ZNF335: variants seen among roughly 807,000 people sequenced by gnomAD.
ZNF335 encodes zinc finger protein 335.
In ZNF335, 84 loss-of-function variants were observed where a neutral mutation model predicts 145.6. The ratio of observed to expected loss-of-function variants is 0.58; its 90% CI spans 0.48 to 0.69. The LOEUF (loss-of-function observed/expected upper bound fraction) is 0.69. Ranked by LOEUF, ZNF335 falls within the 30% of genes least tolerant of loss-of-function variation. The probability of loss-of-function intolerance (pLI) is 0.00; values close to 1 mark genes in which losing one functional copy is unlikely to be tolerated. For missense variants in ZNF335, 1,865 were observed against 1,809.7 expected (o/e 1.03, Z -0.55); for synonymous variants, 761 against 717.0 (o/e 1.06, Z -0.98).
intron 18 of ZNF335, 37 bp downstream of exon 18, chr20:45,953,652 A>G (rs576268567): frequency 1.2e-6 from 2 of 1,606,204 alleles, no homozygotes; most frequent in South Asian, 1.1e-5. Context: ...CACACCTACA[A>G]AAAGCTGAAA....
chr20:45,957,684 G>T lies in ZNF335; in HGVS notation c.2348-4C>A. On this transcript the variant is annotated splice_region_variant and splice_polypyrimidine_tract_variant and intron_variant, in intron 16 of 27. Transcript: ENST00000322927. ...ATCGCTGTCGACTCCTCAGCTCCTG[G>T]GTGGGGTGGGACCTAAGCCTGACAA... 1.9e-6 allele frequency: 3 copies of T among 1,614,068 alleles called. No homozygotes were observed. The highest frequency in any genetic ancestry group is 1.1e-5 in the South Asian group (1 of 91,078).
chr20:45,954,010 C>T (rs1415490870), intron 17 of ZNF335, 62 bp from the exon 18 acceptor site: 70 of 1,507,030 alleles, frequency 4.6e-5, no homozygotes, highest in Non-Finnish European at 5.2e-5. Context: ...GTATGCAAGA[C>T]GCCTCCCCCA....
intron 24 of ZNF335, 41 bp from the exon 25 acceptor site, chr20:45,949,609 G>A (rs754403551): frequency 5.7e-6 from 9 of 1,568,156 alleles, no homozygotes; most frequent in Non-Finnish European, 6.9e-6. Context: ...CAGGTGCTGA[G>A]GCCCCACTCG....
chr20:45,966,161 G>A (rs998588745), intron 6 of ZNF335, among the ~76,000 whole-genome samples: 1 of 152,052 alleles, frequency 6.6e-6, no homozygotes, highest in African/African-American at 2.4e-5. Flanking sequence ...CTTGAAATAT[G>A]CCTAGTCCAA....
Position 45,949,841 on chromosome 20 carries a change from C to G in ZNF335, c.3628G>C (p.Asp1210His). The G allele has an allele frequency of 6.2e-7, 1 of 1,614,166 alleles. No homozygotes were observed. The highest frequency in any genetic ancestry group is 1.7e-5 in the Admixed American group (1 of 60,020). Residue 1210 changes from aspartate (D) to histidine (H), a missense_variant, in exon 24 of 28, where the codon GAT becomes CAT. Asp to His is a moderately conservative substitution (Grantham distance 81). Coordinates refer to ENST00000322927, the MANE Select transcript of ZNF335 (RefSeq NM_022095.4). ...AAYIQEITTA[D>H]GQTVQHLVTS... Reference sequence around the variant, plus strand: ...ACCAGGTGCTGTACGGTCTGGCCATCTGCCGTGGTGATCTCTTGGATGTAG... The same window carrying G: ...ACCAGGTGCTGTACGGTCTGGCCATGTGCCGTGGTGATCTCTTGGATGTAG...
rs574865444 is a variant in ZNF335 at position 45,952,329 on chromosome 20, C to G, written c.3007G>C (p.Ala1003Pro). 8 of 1,613,212 alleles carry G rather than the reference C, an allele frequency of 5.0e-6. No individual in the cohort carries two copies. The South Asian group carries it at 7.7e-5, about 16-fold the overall frequency. ...GCAGATGGCGGTGACGGGGGCACTG[C>G]CAGGCCCAGGGCTTTGCTGGTTGCA... ...PPATSKALGL[A>P]VPPSPPSAAT... The change falls in exon 20 of 28, where the codon GCA becomes CCA. Residue 1003 changes from alanine (A) to proline (P), a missense_variant. Ala to Pro is a conservative substitution (Grantham distance 27). Transcript: ENST00000322927.
chr20:45,956,593 T>C (rs2083732933), intron 17 of ZNF335, among the ~76,000 whole-genome samples: 1 of 151,960 alleles, frequency 6.6e-6, no homozygotes, highest in Admixed American at 6.6e-5. Context: ...GAGATTGGCA[T>C]GGGAACAGGA....
chr20:45,965,698 G>A lies in ZNF335; in HGVS notation c.1032C>T (p.Thr344=), dbSNP rs1161494169. 3.7e-6 allele frequency: 6 copies of A among 1,604,020 alleles called. No individual in the cohort carries two copies. The highest frequency in any genetic ancestry group is 5.1e-6 in the Non-Finnish European group (6 of 1,176,018). Residue 344 remains threonine, a synonymous_variant, in exon 7 of 28, where the codon ACC becomes ACT. Transcript: ENST00000322927. The stretch of plus-strand genomic sequence containing the variant: ...GGCCAGGTCTCCTTCGGGGCCTTGG[G>A]GTACTGGGGGTGGGGCGCTGGAGCC... ...QLRLQRPTPS[T]PRPRRRPGRP...
Position 45,960,235 on chromosome 20 carries a change from G to C in ZNF335, c.1993C>G (p.Leu665Val), listed in dbSNP as rs1181863773. The change falls in exon 14 of 28, where the codon CTG (leucine) becomes GTG (valine). Residue 665 changes from leucine to valine, a missense_variant. Coordinates refer to ENST00000322927, the MANE Select transcript of ZNF335 (RefSeq NM_022095.4). ...PYRTFREDFL[L>V]SHVAVKHTGA... Reference sequence around the variant, plus strand: ...GTGTGCTTGACAGCCACATGGGACAGCAAGAAGTCCTCTCGGAAGGTGCGG... The same window carrying C: ...GTGTGCTTGACAGCCACATGGGACACCAAGAAGTCCTCTCGGAAGGTGCGG... 1 of 1,614,172 alleles carries C rather than the reference G, an allele frequency of 6.2e-7. No individual in the cohort carries two copies. Among genetic ancestry groups the C allele is most frequent in the African/African-American group, 1.3e-5 (1 of 75,066 alleles).
At chr20:45,949,647 G>A (rs2083591252) in intron 24 of ZNF335, 79 bp from the exon 25 acceptor site, 2 of 1,476,444 alleles carry the variant, frequency 1.4e-6, no homozygotes, top group Middle Eastern at 2.1e-4. Flanking sequence ...AAGGCAGAGT[G>A]GAAGACTAGG....
In ZNF335 at chr20:45,960,626, A is replaced by C; in HGVS notation, c.1772T>G (p.Met591Arg). ...CTGGCTCCCACCCACCTTGTCACAC[A>C]TGTGGGGCTTCTCAGTGCTGTGCGT... ...MKTHSTEKPH[M>R]CDKCGKSFKK... Residue 591 changes from methionine to arginine, a missense_variant, in exon 12 of 28, where the codon ATG (methionine) becomes AGG (arginine). Coordinates refer to ENST00000322927, the MANE Select transcript of ZNF335 (RefSeq NM_022095.4). 6.2e-7 allele frequency: 1 copy of C among 1,614,104 alleles called. No homozygotes were observed. The highest frequency in any genetic ancestry group is 1.6e-4 in the Middle Eastern group (1 of 6,062).
intron 2 of ZNF335, among the ~76,000 whole-genome samples, chr20:45,970,463 C>A (rs1051061485): frequency 6.6e-6 from 1 of 152,222 alleles, no homozygotes; most frequent in African/African-American, 2.4e-5. Flanking sequence ...TATGTTAATT[C>A]ATTTCATCCT....
At chr20:45,958,868 T>C (rs1045815736) in intron 15 of ZNF335, among the ~76,000 whole-genome samples, 2 of 152,218 alleles carry the variant, frequency 1.3e-5, no homozygotes, top group Non-Finnish European at 2.9e-5. Context: ...GAAAGTCATA[T>C]GCCTGGGATG....
At chr20:45,951,476 T>C (rs1297087262) in intron 20 of ZNF335, among the ~76,000 whole-genome samples, 1 of 152,256 alleles carries the variant, frequency 6.6e-6, no homozygotes, top group Admixed American at 6.5e-5. Flanking sequence ...CACCAGGGAC[T>C]GGTTTTATGG....
Position 45,963,644 on chromosome 20 carries a change from ATAG to A in ZNF335, c.1359_1361del (p.Tyr455del). The A allele has an allele frequency of 6.2e-7, 1 of 1,614,164 alleles. No homozygotes were observed. Among genetic ancestry groups the A allele is most frequent in the Non-Finnish European group, 8.5e-7 (1 of 1,179,990 alleles). On this transcript the variant is annotated inframe_deletion, in exon 9 of 28. Coordinates refer to ENST00000322927, the MANE Select transcript of ZNF335 (RefSeq NM_022095.4). ...TCAAAAGTGGTTTGGGCGACTTGTA[ATAG>A]TACCTGCAGGATGAGAGTGTGGCGG...
chr20:45,950,296 G>A lies in ZNF335; in HGVS notation c.3410C>T (p.Thr1137Ile). The A allele has an allele frequency of 6.4e-7, 1 of 1,563,834 alleles. No individual in the cohort carries two copies. Among genetic ancestry groups the A allele is most frequent in the Non-Finnish European group, 8.7e-7 (1 of 1,153,294 alleles). Residue 1137 changes from threonine (T) to isoleucine (I), a missense_variant, in exon 22 of 28, where the codon ACA becomes ATA. Thr to Ile is a moderately conservative substitution (Grantham distance 89). Transcript: ENST00000322927. Reference sequence around the variant, plus strand: ...TGGGGTCTGGGTAGGGGCCCGGGCTGTAGGGGTTCCTGACTTCCTCCCATC... The same window carrying A: ...TGGGGTCTGGGTAGGGGCCCGGGCTATAGGGGTTCCTGACTTCCTCCCATC... ...SPDGRKSGTP[T>I]ARAPTQTPTQ...
In ZNF335 at chr20:45,948,736, C is replaced by T. The variant is rs2083571011; in HGVS notation, c.*217G>A. On this transcript the variant is annotated 3_prime_UTR_variant, in exon 28 of 28. Coordinates refer to ENST00000322927, the MANE Select transcript of ZNF335 (RefSeq NM_022095.4). ...ACCCAAACAAAAATAAATTTCTCTC[C>T]CAAAGCCTGCCTGCAGGCTGGGGCA... The T allele has an allele frequency of 6.3e-6, 4 of 635,120 alleles. No homozygotes were observed. The highest frequency in any genetic ancestry group is 1.1e-5 in the Non-Finnish European group (4 of 374,140). 39.3% of individuals were successfully genotyped at this position (635,120 alleles called of 1,614,324 possible).
intron 17 of ZNF335, among the ~76,000 whole-genome samples, 183 bp downstream of exon 17, chr20:45,957,403 C>T (rs1004213159): frequency 6.6e-6 from 1 of 152,212 alleles, no homozygotes; most frequent in African/African-American, 2.4e-5. Flanking sequence ...CTGCGGCCTC[C>T]GTGGCAAAGC....
At chr20:45,971,812 C>G in intron 1 of ZNF335, 1 of 985,324 alleles carries the variant, frequency 1.0e-6, no homozygotes, top group Non-Finnish European at 1.2e-6. Context: ...GGTGGTACAG[C>G]CCGCTGGCCC....
Sources: gnomAD v4.1 joint callset for allele counts (sites outside exome capture counted in the v4.1 genomes callset) on GRCh38, gnomAD v4.1.1 for gene constraint, MANE v1.5 for transcripts, NCBI Gene and HGNC (gene_info 2026-07-23, HGNC 2026-07-21) for gene names.